The following TMEM200A variants were observed in gnomAD, a reference collection of about 807,000 sequenced individuals.
The protein encoded by TMEM200A is two transmembrane C.
Under a neutral mutation model 24.3 loss-of-function variants are expected in TMEM200A, and 12 were observed. The ratio of observed to expected loss-of-function variants is 0.49; its 90% CI spans 0.32 to 0.80. TMEM200A has a LOEUF of 0.80. TMEM200A is among the 30% of genes least tolerant of loss of function. The pLI is 0.04. For synonymous variants in TMEM200A, 224 were observed against 224.4 expected (o/e 1.00, Z 0.02); for missense variants, 545 against 614.4 (o/e 0.89, Z 1.19).
At chr6:130,405,900 A>G (rs1425145945) in intron 2 of TMEM200A, among the ~76,000 whole-genome samples, 2 of 152,144 alleles carry the variant, frequency 1.3e-5, no homozygotes, top group Non-Finnish European at 2.9e-5. Flanking sequence ...TCTTGAGTGG[A>G]CACATATGAC....
intron 2 of TMEM200A, among the ~76,000 whole-genome samples, chr6:130,388,014 C>A (rs1019266827): frequency 6.6e-6 from 1 of 152,096 alleles, no homozygotes; most frequent in Non-Finnish European, 1.5e-5. Flanking sequence ...TGGAAGTTTT[C>A]ATGATGGGAG....
intron 2 of TMEM200A, among the ~76,000 whole-genome samples, chr6:130,400,006 G>A (rs1779044983): frequency 6.6e-6 from 1 of 151,904 alleles, no homozygotes; most frequent in Non-Finnish European, 1.5e-5. Flanking sequence ...CATCGCAAAT[G>A]CTGTTAATGC....
chr6:130,433,657 T>G (rs1198143910), intron 2 of TMEM200A, among the ~76,000 whole-genome samples: 1 of 152,218 alleles, frequency 6.6e-6, no homozygotes, highest in East Asian at 1.9e-4. Flanking sequence ...CATGGGGTTT[T>G]TATATAATGT....
At chr6:130,419,707 A>G (rs1343919320) in intron 2 of TMEM200A, among the ~76,000 whole-genome samples, 2 of 152,222 alleles carry the variant, frequency 1.3e-5, no homozygotes, top group Non-Finnish European at 2.9e-5. Flanking sequence ...CAAGTAATTG[A>G]ATTTCCTTTG....
At chr6:130,387,303 C>T (rs573983187) in intron 2 of TMEM200A, among the ~76,000 whole-genome samples, 7 of 152,246 alleles carry the variant, frequency 4.6e-5, no homozygotes, top group East Asian at 1.9e-4. Context: ...GACGGACTCT[C>T]GCTCTGTCAC....
At chr6:130,399,515 G>C (rs971196619) in intron 2 of TMEM200A, among the ~76,000 whole-genome samples, 2 of 151,778 alleles carry the variant, frequency 1.3e-5, no homozygotes, top group Admixed American at 6.6e-5. Context: ...CTCATCTGTA[G>C]CTCAATCCAG....
chr6:130,426,465 C>A (rs998013205), intron 2 of TMEM200A, among the ~76,000 whole-genome samples: 1 of 150,064 alleles, frequency 6.7e-6, no homozygotes, highest in Non-Finnish European at 1.5e-5. Context: ...CTGCAGCCCC[C>A]CCCCCCTCAG....
chr6:130,425,054 C>T (rs1779697628), intron 2 of TMEM200A, among the ~76,000 whole-genome samples: 1 of 152,096 alleles, frequency 6.6e-6, no homozygotes, highest in African/African-American at 2.4e-5. Flanking sequence ...CTCTGTGCCC[C>T]ATGAATACTG....
chr6:130,395,734 C>G (rs1778937737), intron 2 of TMEM200A, among the ~76,000 whole-genome samples: 1 of 152,220 alleles, frequency 6.6e-6, no homozygotes, highest in Admixed American at 6.5e-5. Context: ...ATCCCACACA[C>G]TTTCTTGAGG....
chr6:130,402,315 A>G (rs1779108167), intron 2 of TMEM200A, among the ~76,000 whole-genome samples: 3 of 152,068 alleles, frequency 2.0e-5, no homozygotes, highest in Admixed American at 6.6e-5. Flanking sequence ...TCTGCAGGAG[A>G]GACAACGCTG....
chr6:130,390,697 T>C (rs1778813813), intron 2 of TMEM200A, among the ~76,000 whole-genome samples: 1 of 152,210 alleles, frequency 6.6e-6, no homozygotes. Flanking sequence ...AAGCAAATAC[T>C]GCATAGCAAG....
chr6:130,422,839 T>C (rs1246976146), intron 2 of TMEM200A, among the ~76,000 whole-genome samples: 1 of 152,212 alleles, frequency 6.6e-6, no homozygotes, highest in East Asian at 1.9e-4. Context: ...ATGAGTGTTC[T>C]TATTATATTT....
chr6:130,424,666 G>T (rs1382555497), intron 2 of TMEM200A, among the ~76,000 whole-genome samples: 1 of 152,116 alleles, frequency 6.6e-6, no homozygotes, highest in Non-Finnish European at 1.5e-5. Context: ...TTAAGCAGTA[G>T]ATAGTCCCCA....
chr6:130,428,759 C>T (rs556544188), intron 2 of TMEM200A, among the ~76,000 whole-genome samples: 1 of 152,250 alleles, frequency 6.6e-6, no homozygotes, highest in African/African-American at 2.4e-5. Context: ...GCAAACAATA[C>T]TATGTCAAGA....
chr6:130,397,462 A>G (rs1778977677), intron 2 of TMEM200A, among the ~76,000 whole-genome samples: 1 of 152,012 alleles, frequency 6.6e-6, no homozygotes, highest in African/African-American at 2.4e-5. Flanking sequence ...CAAATTGTTC[A>G]TTTTGCCATG....
At chr6:130,389,327 C>T (rs1778783272) in intron 2 of TMEM200A, among the ~76,000 whole-genome samples, 1 of 152,148 alleles carries the variant, frequency 6.6e-6, no homozygotes, top group Non-Finnish European at 1.5e-5. Context: ...GCACTCCCTC[C>T]TGTAGTGCAC....
chr6:130,396,686 T>C (rs1388055477), intron 2 of TMEM200A, among the ~76,000 whole-genome samples: 1 of 152,148 alleles, frequency 6.6e-6, no homozygotes, highest in Non-Finnish European at 1.5e-5. Context: ...AAATCACTCA[T>C]ACTTTTTAAT....
At chr6:130,429,801 C>G (rs34278014) in intron 2 of TMEM200A, among the ~76,000 whole-genome samples, 5,575 of 152,134 alleles carry the variant, frequency 0.037, 173 homozygotes, top group Middle Eastern at 0.14. Context: ...AAGATACAAT[C>G]AAATAAAGTA....
At position 130,424,780 on chromosome 6, in the gene TMEM200A, G is replaced by A. The variant is rs527383683; in HGVS notation, c.-16-15627G>A. 5.9e-5 allele frequency among the ~76,000 whole-genome samples: 9 copies of A among 152,220 alleles called. No individual in the cohort carries two copies. The East Asian group carries it at 1.5e-3, about 26-fold the overall frequency. On this transcript the variant is annotated intron_variant, in intron 2 of 2. Coordinates refer to ENST00000296978, the MANE Select transcript of TMEM200A (RefSeq NM_001258277.2). ...AGTAAAACCTAGAGATGTTACCAGTGAATTCTGTCTTTTGCTTGGGAGTTG... is the reference window on the plus strand; with the variant it reads ...AGTAAAACCTAGAGATGTTACCAGTAAATTCTGTCTTTTGCTTGGGAGTTG...
Sources: allele counts gnomAD v4.1 joint callset (sites outside exome capture counted in the v4.1 genomes callset), GRCh38; gene constraint gnomAD v4.1.1; transcripts MANE v1.5; gene names NCBI Gene and HGNC (gene_info 2026-07-23, HGNC 2026-07-21).